Variants in STPG4 observed in about 807,000 individuals in gnomAD.
STPG4 encodes the protein protein STPG4.
In STPG4, 41 loss-of-function variants were observed where a neutral mutation model predicts 31.5. The ratio of observed to expected loss-of-function variants is 1.30; its 90% CI spans 1.01 to 1.69. The LOEUF (loss-of-function observed/expected upper bound fraction) is 1.69, where lower values mean the gene tolerates loss of function less well. STPG4 is among the 40% of genes most tolerant of loss of function. The pLI is 0.00. For synonymous variants in STPG4, 141 were observed against 103.0 expected (o/e 1.37, Z -2.24); for missense variants, 375 against 293.4 (o/e 1.28, Z -2.03).
At chr2:47,091,261 G>C (rs992745758) in intron 5 of STPG4, among the ~76,000 whole-genome samples, 1 of 152,124 alleles carries the variant, frequency 6.6e-6, no homozygotes, top group Non-Finnish European at 1.5e-5. Context: ...GCATAAATTC[G>C]CTCAGCCTTT....
rs915869845 is a variant in STPG4 at position 47,129,827 on chromosome 2, C to G, written c.519+114G>C. The G allele has an allele frequency of 3.8e-6, 5 of 1,325,612 alleles. No individual in the cohort carries two copies. In the African/African-American group the frequency reaches 5.9e-5, roughly 16 times the overall value. The allele number at this position is 1,325,612 out of a possible 1,614,324, so 82.1% of individuals were successfully genotyped here. ...AATTGTGTGGATAATGGTGTTCCTGCTAGGGGGAACGATCACTGGAGGGTT... is the reference window on the plus strand; with the variant it reads ...AATTGTGTGGATAATGGTGTTCCTGGTAGGGGGAACGATCACTGGAGGGTT... On this transcript the variant is annotated intron_variant, in intron 5 of 6. Transcript: ENST00000445927.
chr2:47,118,546 T>C (rs917091154), intron 5 of STPG4, among the ~76,000 whole-genome samples: 7 of 152,182 alleles, frequency 4.6e-5, no homozygotes, highest in Admixed American at 3.3e-4. Flanking sequence ...CCAACCCTGG[T>C]CCATGGAAAA....
chr2:47,119,627 G>A (rs1038302768), intron 5 of STPG4, among the ~76,000 whole-genome samples: 1 of 152,068 alleles, frequency 6.6e-6, no homozygotes, highest in Non-Finnish European at 1.5e-5. Context: ...AAAGCCAACT[G>A]AACACATGCA....
At chr2:47,103,064 G>A (rs114492187) in intron 5 of STPG4, among the ~76,000 whole-genome samples, 3,992 of 151,954 alleles carry the variant, frequency 0.026, 245 homozygotes, top group African/African-American at 0.092. Flanking sequence ...GACAGCCGAC[G>A]AAAGGGACAA....
chr2:47,103,377 T>C (rs1685840078), intron 5 of STPG4, among the ~76,000 whole-genome samples: 1 of 151,854 alleles, frequency 6.6e-6, no homozygotes, highest in Non-Finnish European at 1.5e-5. Context: ...GCCGCAGATA[T>C]CAGGAGAAAG....
At chr2:47,130,741 C>T (rs1686463741) in intron 3 of STPG4, among the ~76,000 whole-genome samples, 1 of 152,198 alleles carries the variant, frequency 6.6e-6, no homozygotes, top group Admixed American at 6.5e-5. Context: ...TCTTGAACTC[C>T]TGGCCTCAAG....
rs1311991575 is a variant in STPG4, at chr2:47,155,239, C to T, written c.13G>A (p.Ala5Thr). Reference protein sequence around the residue: MDQPAVATASTSIRE... With the variant: MDQPTVATASTSIRE... ...ATTGAGGTGGAAGCGGTGGCGACGG[C>T]TGGCTGGTCCATGGTGGCCTCCTCT... The change falls in exon 1 of 7, where the codon GCC becomes ACC. Residue 5 changes from alanine (A) to threonine (T), a missense_variant. Coordinates refer to ENST00000445927, the MANE Select transcript of STPG4 (RefSeq NM_001163561.2). 2.5e-6 allele frequency: 4 copies of T among 1,614,000 alleles called. No homozygotes were observed. Among genetic ancestry groups the T allele is most frequent in the Non-Finnish European group, 3.4e-6 (4 of 1,180,006 alleles).
intron 5 of STPG4, among the ~76,000 whole-genome samples, chr2:47,105,153 C>G (rs1201859236): frequency 6.6e-6 from 1 of 151,930 alleles, no homozygotes; most frequent in Admixed American, 6.5e-5. Flanking sequence ...CAGGACAGAA[C>G]TTCTCTTTAT....
chr2:47,146,543 T>C (rs1253312234), intron 3 of STPG4, among the ~76,000 whole-genome samples: 2 of 135,024 alleles, frequency 1.5e-5, no homozygotes, highest in African/African-American at 2.7e-5. Flanking sequence ...CTGGGCAACA[T>C]AGTGGGACCC....
chr2:47,117,261 G>C (rs1686171309), intron 5 of STPG4, among the ~76,000 whole-genome samples: 1 of 152,166 alleles, frequency 6.6e-6, no homozygotes, highest in Non-Finnish European at 1.5e-5. Flanking sequence ...CCAGGCCAGA[G>C]TGCAATGGCA....
chr2:47,143,902 GA>G (rs1686766247), intron 3 of STPG4, among the ~76,000 whole-genome samples: 1 of 152,144 alleles, frequency 6.6e-6, no homozygotes, highest in Admixed American at 6.5e-5. Context: ...GCACTTTCTG[GA>G]AACTCCCTTG....
At chr2:47,107,406 G>A (rs951716958) in intron 5 of STPG4, among the ~76,000 whole-genome samples, 18 of 152,292 alleles carry the variant, frequency 1.2e-4, no homozygotes, top group Middle Eastern at 3.4e-3. Context: ...CCCGGGCAAC[G>A]AGGGGCTTAG....
Position 47,130,254 on chromosome 2 carries a change from G to A in STPG4, c.406C>T (p.Gln136Ter), listed in dbSNP as rs1686450281. The change falls in exon 4 of 7, where the codon CAG becomes TAG. Residue 136 changes from glutamine (Q) to a stop codon, truncating the protein, a stop_gained. Coordinates refer to ENST00000445927, the MANE Select transcript of STPG4 (RefSeq NM_001163561.2). LOFTEE classifies it high-confidence loss of function. ...ACGTTGTATTGCCCCGGAGAAAGCT[G>A]AAGTGACTGCACAGAATGGACAAGG... ...STLVDKDQSL[Q>*]LSPGQYNVLP... 1 of 1,613,930 alleles carries A rather than the reference G, an allele frequency of 6.2e-7. No homozygotes were observed. The highest frequency in any genetic ancestry group is 8.5e-7 in the Non-Finnish European group (1 of 1,179,812).
In STPG4 at chr2:47,135,579, G is replaced by A. The variant is rs867732311; in HGVS notation, c.400-5319C>T. Among the ~76,000 whole-genome samples the A allele has an allele frequency of 3.3e-5, 5 of 152,042 alleles. No homozygotes were observed. In the South Asian group the frequency reaches 1.0e-3, roughly 32 times the overall value. On this transcript the variant is annotated intron_variant, in intron 3 of 6. Transcript: ENST00000445927. ...TTTTTATATTTTCAGTAGAGATGGG[G>A]TTTCACTATATTGGCCAGGCTGGTC...
intron 5 of STPG4, among the ~76,000 whole-genome samples, chr2:47,121,374 G>C (rs972828602): frequency 6.6e-6 from 1 of 152,072 alleles, no homozygotes; most frequent in African/African-American, 2.4e-5. Context: ...TGAATGATGA[G>C]ACCACAGGCC....
intron 3 of STPG4, among the ~76,000 whole-genome samples, chr2:47,146,432 A>C (rs1443374532): frequency 1.3e-5 from 2 of 152,118 alleles, no homozygotes; most frequent in Admixed American, 1.3e-4. Context: ...CAGATGTATA[A>C]ATCAAAAAGG....
chr2:47,150,273 G>A lies in STPG4; in HGVS notation c.399+985C>T, dbSNP rs534637273. Among the ~76,000 whole-genome samples the A allele has an allele frequency of 1.4e-4, 22 of 152,260 alleles. 1 individual carries two copies. In the South Asian group the frequency reaches 4.6e-3, roughly 32 times the overall value. On this transcript the variant is annotated intron_variant, in intron 3 of 6. Coordinates refer to ENST00000445927, the MANE Select transcript of STPG4 (RefSeq NM_001163561.2). ...CAGCCTTTTAATCCAGCCTCCTTTG[G>A]CACTTGAACTCTCCTTTGGCATTTC...
intron 5 of STPG4, among the ~76,000 whole-genome samples, chr2:47,127,640 T>G (rs566380159): frequency 4.3e-4 from 66 of 152,324 alleles, no homozygotes; most frequent in South Asian, 1.9e-3. Context: ...CTTCAGCATG[T>G]CAATTGAATT....
At chr2:47,145,398 C>T (rs564138519) in intron 3 of STPG4, among the ~76,000 whole-genome samples, 2 of 152,282 alleles carry the variant, frequency 1.3e-5, no homozygotes, top group East Asian at 1.9e-4. Flanking sequence ...AGAAGAAACC[C>T]GTCCCTGAGA....
Sources: allele counts gnomAD v4.1 joint callset (sites outside exome capture counted in the v4.1 genomes callset), GRCh38; gene constraint gnomAD v4.1.1; transcripts MANE v1.5; gene names NCBI Gene and HGNC (gene_info 2026-07-23, HGNC 2026-07-21).